Variants in CSMD3 observed in about 807,000 individuals in gnomAD.
CSMD3 encodes the protein CUB and sushi domain-containing protein 3.
In CSMD3, 177 loss-of-function variants were observed where a neutral mutation model predicts 435.2. The observed-to-expected ratio is 0.41, with a 90% confidence interval of 0.36 to 0.46. CSMD3 has a LOEUF of 0.46. CSMD3 is among the 20% of genes least tolerant of loss of function. CSMD3 has a pLI of 0.34. For missense variants in CSMD3, 4,265 were observed against 4,504.6 expected, an observed-to-expected ratio of 0.95 and a Z score of 1.52; for synonymous variants, 1,656 against 1,520.5, an observed-to-expected ratio of 1.09 and a Z score of -2.07.
chr8:112,244,237 C>T (rs1814467865), intron 65 of CSMD3, among the ~76,000 whole-genome samples, 157 bp downstream of exon 65: 1 of 152,118 alleles, frequency 6.6e-6, no homozygotes, highest in Non-Finnish European at 1.5e-5. Flanking sequence ...AATTTATATG[C>T]CTCTGGATCC....
intron 10 of CSMD3, among the ~76,000 whole-genome samples, chr8:112,911,523 TG>T (rs1424923733): frequency 2.6e-5 from 4 of 151,730 alleles, no homozygotes; most frequent in Non-Finnish European, 2.9e-5. Flanking sequence ...TCTTTGTGCC[TG>T]GCTTATCTCA....
intron 18 of CSMD3, among the ~76,000 whole-genome samples, chr8:112,653,281 TACA>T (rs1426793427): frequency 6.6e-6 from 1 of 152,248 alleles, no homozygotes; most frequent in South Asian, 2.1e-4. Flanking sequence ...ATTTATGTAA[TACA>T]ACGTTTGAAC....
At chr8:112,640,136 C>T (rs16883889) in intron 20 of CSMD3, among the ~76,000 whole-genome samples, 36,063 of 151,782 alleles carry the variant, frequency 0.24, 4,468 homozygotes, top group South Asian at 0.26. Flanking sequence ...TGTGGTATCA[C>T]GTTAGTATTT....
At chr8:112,464,186 C>T (rs764244368) in intron 32 of CSMD3, among the ~76,000 whole-genome samples, 7 of 148,540 alleles carry the variant, frequency 4.7e-5, no homozygotes, top group Admixed American at 2.7e-4. Flanking sequence ...TGCAGTGAGC[C>T]GAGATCTTGC....
chr8:113,252,029 G>A (rs915448211), intron 3 of CSMD3, among the ~76,000 whole-genome samples: 11 of 151,966 alleles, frequency 7.2e-5, no homozygotes, highest in Non-Finnish European at 1.5e-4. Context: ...GATACCATAA[G>A]TGTAATTTAC....
intron 45 of CSMD3, among the ~76,000 whole-genome samples, chr8:112,326,103 G>C (rs1224614957): frequency 6.6e-6 from 1 of 151,948 alleles, no homozygotes; most frequent in East Asian, 1.9e-4. Context: ...AGGACATTTT[G>C]ATTTGGCAAT....
At chr8:112,284,809 G>C (rs911555699) in intron 58 of CSMD3, among the ~76,000 whole-genome samples, 1 of 151,766 alleles carries the variant, frequency 6.6e-6, no homozygotes, top group African/African-American at 2.4e-5. Flanking sequence ...TTATCAGTTT[G>C]AGAGCAATTT....
intron 1 of CSMD3, among the ~76,000 whole-genome samples, chr8:113,425,373 GC>G (rs1289348788): frequency 1.3e-5 from 2 of 151,020 alleles, no homozygotes; most frequent in African/African-American, 4.9e-5. Context: ...TTCTTTTTAG[GC>G]CTTTGTGAAA....
At chr8:112,333,773 G>A (rs753912878) in intron 45 of CSMD3, among the ~76,000 whole-genome samples, 15 of 151,628 alleles carry the variant, frequency 9.9e-5, no homozygotes, top group Non-Finnish European at 1.9e-4. Flanking sequence ...ACTTCCTATA[G>A]GGTTATCTTG....
At chr8:112,269,796 C>T (rs900814442) in intron 59 of CSMD3, among the ~76,000 whole-genome samples, 2 of 152,152 alleles carry the variant, frequency 1.3e-5, no homozygotes, top group African/African-American at 4.8e-5. Flanking sequence ...TTGATTTGAG[C>T]GATCTGGTAT....
At chr8:112,799,824 G>A (rs1587332430) in intron 13 of CSMD3, among the ~76,000 whole-genome samples, 1 of 151,962 alleles carries the variant, frequency 6.6e-6, no homozygotes, top group East Asian at 1.9e-4. Context: ...TTAATAATTA[G>A]TAGAATCTTT....
At chr8:113,391,178 AT>A (rs1189662035) in intron 1 of CSMD3, among the ~76,000 whole-genome samples, 1 of 152,044 alleles carries the variant, frequency 6.6e-6, no homozygotes, top group Non-Finnish European at 1.5e-5. Context: ...ATCTTCAAAT[AT>A]TAAGATTAAG....
chr8:113,353,620 C>G (rs1212584143), intron 1 of CSMD3, among the ~76,000 whole-genome samples: 1 of 152,090 alleles, frequency 6.6e-6, no homozygotes, highest in Non-Finnish European at 1.5e-5. Context: ...AAAACTATTT[C>G]TACTTGATTC....
intron 4 of CSMD3, among the ~76,000 whole-genome samples, chr8:113,160,165 T>C (rs2092011592): frequency 6.6e-6 from 1 of 151,982 alleles, no homozygotes; most frequent in Non-Finnish European, 1.5e-5. Flanking sequence ...TTTTTGATTG[T>C]TTATATGTAT....
chr8:112,425,568 C>A (rs1190733858), intron 32 of CSMD3, among the ~76,000 whole-genome samples: 1 of 152,104 alleles, frequency 6.6e-6, no homozygotes, highest in African/African-American at 2.4e-5. Context: ...CCCCCAGCTA[C>A]CCCAAGGGAG....
chr8:112,253,027 T>G (rs1433435354), intron 63 of CSMD3, among the ~76,000 whole-genome samples: 1 of 151,888 alleles, frequency 6.6e-6, no homozygotes, highest in East Asian at 1.9e-4. Context: ...TTAATCATTC[T>G]CATTTCCAAT....
At chr8:113,085,199 G>A (rs574054666) in intron 5 of CSMD3, among the ~76,000 whole-genome samples, 6 of 151,116 alleles carry the variant, frequency 4.0e-5, no homozygotes, top group Non-Finnish European at 8.8e-5. Flanking sequence ...ATCCACAAAG[G>A]ACTAATATTC....
chr8:112,872,771 CA>C (rs1438835821), intron 10 of CSMD3, among the ~76,000 whole-genome samples: 1 of 151,806 alleles, frequency 6.6e-6, no homozygotes. Context: ...AAAACAAATC[CA>C]ACCTAGCCTA....
chr8:112,407,048 C>T (rs1175288553), intron 34 of CSMD3, among the ~76,000 whole-genome samples: 2 of 151,662 alleles, frequency 1.3e-5, no homozygotes, highest in East Asian at 1.9e-4. Context: ...GGGATGAAAA[C>T]TGAAAGTTTT....
Sources: allele counts gnomAD v4.1 joint callset (sites outside exome capture counted in the v4.1 genomes callset), GRCh38; gene constraint gnomAD v4.1.1; transcripts MANE v1.5; gene names NCBI Gene and HGNC (gene_info 2026-07-23, HGNC 2026-07-21).